The following SDK1 variants were observed in gnomAD, a reference collection of about 807,000 sequenced individuals.
SDK1 encodes sidekick cell adhesion molecule 1.
A neutral mutation model predicts 245.5 loss-of-function variants in SDK1; 157 were observed. The observed-to-expected ratio is 0.64, with a 90% confidence interval of 0.56 to 0.73. The LOEUF (loss-of-function observed/expected upper bound fraction) is 0.73, where lower values mean the gene tolerates loss of function less well. Among genes scored for constraint, SDK1 ranks in the 30% least tolerant of loss-of-function variants. The pLI, the probability that SDK1 is intolerant of heterozygous loss-of-function variation, is 0.00. For missense variants in SDK1, 3,583 were observed against 3,002.3 expected, an observed-to-expected ratio of 1.19 and a Z score of -4.52; for synonymous variants, 1,647 against 1,278.5, an observed-to-expected ratio of 1.29 and a Z score of -6.15.
intron 33 of SDK1, among the ~76,000 whole-genome samples, chr7:4,174,939 C>A (rs1381264553): frequency 6.6e-6 from 1 of 152,208 alleles, no homozygotes; most frequent in Non-Finnish European, 1.5e-5. Flanking sequence ...TTTCCTGGCA[C>A]CCACCAAACG....
intron 35 of SDK1, among the ~76,000 whole-genome samples, chr7:4,198,253 C>G (rs1783694099): frequency 6.6e-6 from 1 of 152,230 alleles, no homozygotes; most frequent in Admixed American, 6.5e-5. Context: ...ACACACCCCC[C>G]TCATTTGCCC....
chr7:3,869,865 TGGTTCCTTTGGTTCCCACAG>T (rs1056138333), intron 5 of SDK1, among the ~76,000 whole-genome samples: 2 of 152,198 alleles, frequency 1.3e-5, no homozygotes, highest in Non-Finnish European at 2.9e-5. Flanking sequence ...AATAATACAT[TGGTTCCTTTGGTTCCCACAG>T]GGTAGGAAAA....
chr7:3,783,265 A>G (rs1020153234), intron 4 of SDK1, among the ~76,000 whole-genome samples: 1 of 152,228 alleles, frequency 6.6e-6, no homozygotes, highest in Non-Finnish European at 1.5e-5. Flanking sequence ...AATTATACTC[A>G]GTGGTGAAAA....
At chr7:3,363,269 G>A (rs947451107) in intron 1 of SDK1, among the ~76,000 whole-genome samples, 2 of 151,998 alleles carry the variant, frequency 1.3e-5, no homozygotes, top group South Asian at 2.1e-4. Flanking sequence ...GTTCCCTGAC[G>A]ATTCATCTAG....
chr7:3,883,537 G>A (rs1218625706), intron 5 of SDK1, among the ~76,000 whole-genome samples: 1 of 152,170 alleles, frequency 6.6e-6, no homozygotes, highest in Non-Finnish European at 1.5e-5. Context: ...AATTCATCCA[G>A]TAACCAGGGC....
intron 1 of SDK1, among the ~76,000 whole-genome samples, chr7:3,521,286 A>G (rs1360611430): frequency 6.6e-6 from 1 of 152,194 alleles, no homozygotes; most frequent in Non-Finnish European, 1.5e-5. Context: ...GATTGGGGCC[A>G]GCCAAGTAAT....
chr7:3,667,821 A>G (rs995127487), intron 4 of SDK1, among the ~76,000 whole-genome samples: 2 of 152,190 alleles, frequency 1.3e-5, no homozygotes, highest in East Asian at 1.9e-4. Context: ...GTGTGCATGT[A>G]CCACAGCTTG....
At chr7:3,348,469 A>G (rs1323900775) in intron 1 of SDK1, among the ~76,000 whole-genome samples, 3 of 142,672 alleles carry the variant, frequency 2.1e-5, no homozygotes, top group Non-Finnish European at 3.2e-5. Flanking sequence ...ACCGAAAACA[A>G]CATGTTCTCG....
intron 4 of SDK1, 54 bp from the exon 5 acceptor site, chr7:3,821,396 A>T (rs1364517489): frequency 6.4e-6 from 10 of 1,567,838 alleles, no homozygotes; most frequent in Non-Finnish European, 8.6e-6. Context: ...TTGTCTTACA[A>T]GTAGGAAGTT....
chr7:3,467,180 A>G (rs1159074536), intron 1 of SDK1, among the ~76,000 whole-genome samples: 1 of 152,082 alleles, frequency 6.6e-6, no homozygotes, highest in Non-Finnish European at 1.5e-5. Flanking sequence ...CAATAAAAAT[A>G]TTTTTCTGTA....
intron 4 of SDK1, among the ~76,000 whole-genome samples, chr7:3,710,517 A>G (rs1167540096): frequency 6.6e-6 from 1 of 152,236 alleles, no homozygotes; most frequent in Non-Finnish European, 1.5e-5. Flanking sequence ...GCTTAGGGAA[A>G]AATCTCCTGT....
chr7:4,041,052 A>T (rs996102055), intron 17 of SDK1, among the ~76,000 whole-genome samples: 3 of 152,222 alleles, frequency 2.0e-5, no homozygotes, highest in African/African-American at 4.8e-5. Context: ...CTATCTGCCT[A>T]AATAATTTCT....
intron 4 of SDK1, among the ~76,000 whole-genome samples, chr7:3,697,215 A>G (rs569440952): frequency 6.6e-6 from 1 of 152,326 alleles, no homozygotes; most frequent in Admixed American, 6.5e-5. Context: ...GATTCTGTGT[A>G]GGGCTGTGGT....
chr7:3,479,343 A>G (rs1583920253), intron 1 of SDK1, among the ~76,000 whole-genome samples: 1 of 147,974 alleles, frequency 6.8e-6, no homozygotes. Context: ...AATCGATTGA[A>G]CCCGGGAGGT....
intron 5 of SDK1, among the ~76,000 whole-genome samples, 190 bp from the exon 6 acceptor site, chr7:3,950,733 T>C (rs1208805030): frequency 1.3e-5 from 2 of 152,204 alleles, no homozygotes; most frequent in Admixed American, 6.5e-5. Flanking sequence ...GTATGGCTTT[T>C]GCACCATCAT....
At chr7:3,826,772 A>G (rs1043345516) in intron 5 of SDK1, among the ~76,000 whole-genome samples, 3 of 152,236 alleles carry the variant, frequency 2.0e-5, no homozygotes, top group African/African-American at 7.2e-5. Flanking sequence ...CTCAACCTGC[A>G]TAATAAATAA....
intron 36 of SDK1, among the ~76,000 whole-genome samples, chr7:4,206,573 TG>T (rs924914200): frequency 6.6e-6 from 1 of 152,010 alleles, no homozygotes; most frequent in African/African-American, 2.4e-5. Context: ...GGTCTAGAGA[TG>T]GGGAGAAAGG....
chr7:3,529,292 T>C (rs1278423340), intron 1 of SDK1, among the ~76,000 whole-genome samples: 1 of 152,152 alleles, frequency 6.6e-6, no homozygotes, highest in Non-Finnish European at 1.5e-5. Context: ...TAGATTCTGG[T>C]TTGTAAATTC....
chr7:4,247,005 A>G (rs1259657133), intron 44 of SDK1, among the ~76,000 whole-genome samples: 1 of 152,216 alleles, frequency 6.6e-6, no homozygotes, highest in African/African-American at 2.4e-5. Context: ...AAAGCAGCAG[A>G]AGCAGCAATT....
Sources: gnomAD v4.1 joint callset for allele counts (sites outside exome capture counted in the v4.1 genomes callset) on GRCh38, gnomAD v4.1.1 for gene constraint, MANE v1.5 for transcripts, NCBI Gene and HGNC (gene_info 2026-07-23, HGNC 2026-07-21) for gene names.